The following TAB2 variants were observed in gnomAD, a reference collection of about 807,000 sequenced individuals.
TAB2 encodes the protein TGF-beta activated kinase 1 (MAP3K7) binding protein 2.
Under a neutral mutation model 65.0 loss-of-function variants are expected in TAB2, and 3 were observed. That is an observed-to-expected ratio of 0.05 (90% confidence interval 0.02 to 0.12). TAB2 has a LOEUF of 0.12. Among genes scored for constraint, TAB2 ranks in the 10% least tolerant of loss-of-function variants. The pLI is 1.00. For synonymous variants in TAB2, 298 were observed against 285.1 expected (o/e 1.05, Z -0.46); for missense variants, 623 against 840.3 (o/e 0.74, Z 3.20).
intron 1 of TAB2, chr6:149,244,985 T>C (rs926939113): frequency 2.0e-5 from 3 of 152,116 alleles, no homozygotes; most frequent in African/African-American, 7.2e-5. Flanking sequence ...AGTTTAGATA[T>C]CAGTGCTATC....
upstream of TAB2, among the ~76,000 whole-genome samples, chr6:149,312,872 A>C (rs142382957): frequency 3.3e-5 from 5 of 152,298 alleles, no homozygotes; most frequent in East Asian, 7.7e-4. Context: ...AGAACACTTA[A>C]AATCTACTCT....
At chr6:149,250,018 G>C (rs1228189710) in intron 1 of TAB2, among the ~76,000 whole-genome samples, 1 of 152,124 alleles carries the variant, frequency 6.6e-6, no homozygotes, top group Non-Finnish European at 1.5e-5. Context: ...GAGTTTCCTG[G>C]CAAAGGACAG....
intron 1 of TAB2, among the ~76,000 whole-genome samples, chr6:149,227,029 C>A (rs1011955745): frequency 6.6e-6 from 1 of 152,126 alleles, no homozygotes; most frequent in Non-Finnish European, 1.5e-5. Flanking sequence ...CCAGATCCAA[C>A]AGAAATTATT....
At chr6:149,398,822 A>G (rs1272630716) in intron 5 of TAB2, among the ~76,000 whole-genome samples, 1 of 152,180 alleles carries the variant, frequency 6.6e-6, no homozygotes, top group African/African-American at 2.4e-5. Context: ...CTTGCCACAT[A>G]GAACAGGGAT....
Position 149,295,842 on chromosome 6 carries a change from G to A in TAB2, c.-121+77066G>A, listed in dbSNP as rs1400704195. ...GGCTGGGGTGCAGTGGCATGATCTC[G>A]GCTCACTGCAACCTCTGCCTCCCGG... is the stretch of plus-strand genomic sequence containing the variant. On this transcript the variant is annotated intron_variant, in intron 1 of 1. Transcript: ENST00000606202. Among the ~76,000 whole-genome samples, 9 of 152,024 alleles carry A rather than the reference G, an allele frequency of 5.9e-5. No homozygotes were observed. The South Asian group carries it at 1.0e-3, about 18-fold the overall frequency.
intron 1 of TAB2, among the ~76,000 whole-genome samples, chr6:149,271,610 A>G (rs1248314624): frequency 2.0e-5 from 3 of 152,188 alleles, no homozygotes; most frequent in African/African-American, 4.8e-5. Flanking sequence ...TTGGCCACAT[A>G]TTAGTTACCT....
At chr6:149,371,185 T>G (rs1236563274) in intron 2 of TAB2, among the ~76,000 whole-genome samples, 2 of 151,922 alleles carry the variant, frequency 1.3e-5, no homozygotes, top group Admixed American at 6.6e-5. Flanking sequence ...TTTATAATAA[T>G]GACTACATTT....
chr6:149,292,568 G>A (rs894378314), intron 1 of TAB2, among the ~76,000 whole-genome samples: 5 of 152,266 alleles, frequency 3.3e-5, no homozygotes, highest in South Asian at 2.1e-4. Context: ...AGAACCAGTC[G>A]TTAAATTTTA....
chr6:149,275,295 AG>A (rs777873072), intron 1 of TAB2, among the ~76,000 whole-genome samples: 1,819 of 141,976 alleles, frequency 0.013, 67 homozygotes, highest in Middle Eastern at 0.031. Flanking sequence ...AAAGAAAGAA[AG>A]AAAGAGAAAA....
chr6:149,376,351 C>T (rs1781396586), intron 2 of TAB2, among the ~76,000 whole-genome samples: 2 of 152,150 alleles, frequency 1.3e-5, no homozygotes, highest in South Asian at 4.1e-4. Context: ...CAAACTCTAG[C>T]GTGACTTATT....
intron 1 of TAB2, chr6:149,257,659 T>A (rs1400908994): frequency 6.6e-6 from 1 of 152,140 alleles, no homozygotes; most frequent in African/African-American, 2.4e-5. Flanking sequence ...CTAATAATAA[T>A]AGTGCTTGTC....
intron 1 of TAB2, among the ~76,000 whole-genome samples, chr6:149,344,850 T>C (rs890599091): frequency 6.6e-6 from 1 of 152,174 alleles, no homozygotes; most frequent in African/African-American, 2.4e-5. Flanking sequence ...ACTGGAATAT[T>C]GTAAAAAGTA....
At chr6:149,236,466 C>A (rs1307621380) in intron 1 of TAB2, among the ~76,000 whole-genome samples, 1 of 152,224 alleles carries the variant, frequency 6.6e-6, no homozygotes, top group African/African-American at 2.4e-5. Flanking sequence ...TGCCCTTTTA[C>A]CATTCCTTAT....
intron 1 of TAB2, among the ~76,000 whole-genome samples, chr6:149,261,208 T>C (rs1339109723): frequency 6.6e-6 from 1 of 152,246 alleles, no homozygotes; most frequent in Non-Finnish European, 1.5e-5. Context: ...TTTGAAATTT[T>C]TCAGAGTTCT....
intron 1 of TAB2, among the ~76,000 whole-genome samples, chr6:149,290,540 C>A (rs893180201): frequency 6.6e-6 from 1 of 152,150 alleles, no homozygotes; most frequent in Non-Finnish European, 1.5e-5. Context: ...TCCCAACAGA[C>A]TAGAAGAGTG....
At chr6:149,405,733 G>A (rs1404798115) in intron 6 of TAB2, among the ~76,000 whole-genome samples, 1 of 152,180 alleles carries the variant, frequency 6.6e-6, no homozygotes, top group Non-Finnish European at 1.5e-5. Context: ...GTGGTTACCA[G>A]GGGCTGGGAG....
chr6:149,241,853 G>T (rs1384367025), intron 1 of TAB2, among the ~76,000 whole-genome samples: 1 of 152,130 alleles, frequency 6.6e-6, no homozygotes, highest in African/African-American at 2.4e-5. Flanking sequence ...GAAAGAATTG[G>T]GGAAGAAGTG....
chr6:149,366,564 G>A (rs1050268709), intron 1 of TAB2, among the ~76,000 whole-genome samples: 1 of 152,088 alleles, frequency 6.6e-6, no homozygotes, highest in African/African-American at 2.4e-5. Flanking sequence ...CTGAGTAAAA[G>A]CCATTAAAAA....
At chr6:149,385,310 T>C (rs1781753996) in intron 3 of TAB2, among the ~76,000 whole-genome samples, 1 of 152,260 alleles carries the variant, frequency 6.6e-6, no homozygotes, top group East Asian at 1.9e-4. Context: ...TGTTTAACTT[T>C]ATGTATCTTT....
Sources: allele counts gnomAD v4.1 joint callset (sites outside exome capture counted in the v4.1 genomes callset), GRCh38; gene constraint gnomAD v4.1.1; transcripts MANE v1.5; gene names NCBI Gene and HGNC (gene_info 2026-07-23, HGNC 2026-07-21).